Variants in ARHGEF28 observed in about 807,000 individuals in gnomAD.
ARHGEF28 encodes the protein 190 kDa guanine nucleotide exchange factor.
A neutral mutation model predicts 206.6 loss-of-function variants in ARHGEF28; 152 were observed. That is an observed-to-expected ratio of 0.74 (90% CI 0.64 to 0.84). The LOEUF is 0.84. ARHGEF28 is among the 40% of genes least tolerant of loss of function. The pLI is 0.00. For missense variants in ARHGEF28, 2,028 were observed against 2,073.2 expected, an observed-to-expected ratio of 0.98 and a Z score of 0.42; for synonymous variants, 763 against 776.4, an observed-to-expected ratio of 0.98 and a Z score of 0.29.
intron 9 of ARHGEF28, among the ~76,000 whole-genome samples, chr5:73,811,094 A>G (rs544186851): frequency 6.6e-6 from 1 of 152,314 alleles, no homozygotes; most frequent in Non-Finnish European, 1.5e-5. Context: ...ATTTCAAAGG[A>G]TTCTTTAATG....
chr5:73,655,449 A>G (rs758893603), intron 1 of ARHGEF28, among the ~76,000 whole-genome samples: 28 of 152,228 alleles, frequency 1.8e-4, no homozygotes, highest in Non-Finnish European at 2.9e-4. Context: ...TTTTATCTGC[A>G]TAGGCCCATG....
chr5:73,765,598 C>T (rs189879348), intron 4 of ARHGEF28, among the ~76,000 whole-genome samples: 67 of 152,272 alleles, frequency 4.4e-4, no homozygotes, highest in Non-Finnish European at 4.0e-4. Context: ...ATAATTCCAT[C>T]GTAAGTCAAA....
Position 73,940,859 on chromosome 5 carries a change from A to C in ARHGEF28, c.4964A>C (p.His1655Pro), listed in dbSNP as rs748019699. ...TTTCTTGCAGATTTGGACACCTCCC[A>C]CACTGAGTCCCCAACCCCCCATGAC... Reference protein sequence around the residue: ...DSCKNDLDTSHTESPTPHDSN... With the variant: ...DSCKNDLDTSPTESPTPHDSN... The change falls in exon 36 of 36, where the codon CAC (histidine) becomes CCC (proline). Residue 1655 changes from histidine (H) to proline (P), a missense_variant. Coordinates refer to ENST00000513042, the MANE Select transcript of ARHGEF28 (RefSeq NM_001177693.2). The C allele has an allele frequency of 2.6e-5, 40 of 1,518,924 alleles. No homozygotes were observed. Among genetic ancestry groups the C allele is most frequent in the Non-Finnish European group, 2.5e-5 (29 of 1,141,440 alleles). The allele number at this position is 1,518,924 out of a possible 1,614,324, so 94.1% of individuals were successfully genotyped here.
At chr5:73,776,864 A>G (rs1267360447) in intron 6 of ARHGEF28, among the ~76,000 whole-genome samples, 168 bp downstream of exon 6, 1 of 152,050 alleles carries the variant, frequency 6.6e-6, no homozygotes, top group Non-Finnish European at 1.5e-5. Context: ...AGATTATTAT[A>G]TATTTTATAG....
intron 1 of ARHGEF28, among the ~76,000 whole-genome samples, chr5:73,626,829 G>A (rs994746811): frequency 1.3e-5 from 2 of 152,214 alleles, no homozygotes; most frequent in African/African-American, 2.4e-5. Context: ...CATCTGCTGT[G>A]TTTCAAAAGG....
At chr5:73,815,781 A>G (rs1756167140) in intron 9 of ARHGEF28, among the ~76,000 whole-genome samples, 2 of 152,248 alleles carry the variant, frequency 1.3e-5, no homozygotes, top group Non-Finnish European at 1.5e-5. Context: ...ACAGAAAGTC[A>G]TAGCATAGCT....
rs1416884295 is a variant in ARHGEF28, at chr5:73,652,469, C to A, written c.-12+26147C>A. Reference sequence around the variant, plus strand: ...GGAATGAGTGTGGGACATGAGAGGGCACGGTATGCACATTTGGGGGAGCAG... The same window carrying A: ...GGAATGAGTGTGGGACATGAGAGGGAACGGTATGCACATTTGGGGGAGCAG... On this transcript the variant is annotated intron_variant, in intron 1 of 35. Coordinates refer to ENST00000513042, the MANE Select transcript of ARHGEF28 (RefSeq NM_001177693.2). 2.6e-5 allele frequency among the ~76,000 whole-genome samples: 4 copies of A among 151,970 alleles called. No individual in the cohort carries two copies. In the East Asian group the frequency reaches 7.7e-4, roughly 29 times the overall value.
chr5:73,909,898 G>T lies in ARHGEF28; in HGVS notation c.4647+1G>T. The T allele has an allele frequency of 2.0e-6, 3 of 1,500,110 alleles. No homozygotes were observed. The South Asian group carries it at 4.0e-5, about 20-fold the overall frequency. The allele number at this position is 1,500,110 out of a possible 1,614,324, so 92.9% of individuals were successfully genotyped here. A position where few individuals can be genotyped will look rare whatever the true frequency, so the allele number is the denominator to read the frequency against. On this transcript the variant is annotated splice_donor_variant, in intron 34 of 35. Coordinates refer to ENST00000513042, the MANE Select transcript of ARHGEF28 (RefSeq NM_001177693.2). LOFTEE classifies it high-confidence loss of function. ...GGTGCTCCTTCCGGGTGGCCCCGAG[G>T]TATGGACCTTCTGCGGTGCTGTGAG...
intron 7 of ARHGEF28, among the ~76,000 whole-genome samples, chr5:73,789,334 A>G (rs768990610): frequency 3.3e-5 from 5 of 152,202 alleles, no homozygotes; most frequent in African/African-American, 4.8e-5. Context: ...AAATATCCAG[A>G]ATAGGCAATT....
At chr5:73,799,130 T>C (rs1028687461) in intron 9 of ARHGEF28, among the ~76,000 whole-genome samples, 12 of 152,128 alleles carry the variant, frequency 7.9e-5, no homozygotes, top group Non-Finnish European at 1.6e-4. Flanking sequence ...ATCCTATTTC[T>C]TAATCATATT....
intron 6 of ARHGEF28, 110 bp from the exon 7 acceptor site, chr5:73,780,566 C>T: frequency 8.7e-7 from 1 of 1,150,102 alleles, no homozygotes. Flanking sequence ...TATTTCCCAA[C>T]CTCCTAGCTC....
intron 2 of ARHGEF28, among the ~76,000 whole-genome samples, chr5:73,742,292 A>G (rs1034209525): frequency 2.6e-5 from 4 of 152,142 alleles, no homozygotes; most frequent in Non-Finnish European, 4.4e-5. Context: ...GGAGTAGTCT[A>G]TCTACATTTA....
chr5:73,734,680 T>C lies in ARHGEF28; in HGVS notation c.34-15157T>C, dbSNP rs553651408. Among the ~76,000 whole-genome samples, 20 of 152,330 alleles carry C rather than the reference T, an allele frequency of 1.3e-4. 1 individual carries two copies. In the East Asian group the frequency reaches 3.9e-3, roughly 29 times the overall value. ...TTAAGATCCTGGAAAATGAGTGCTC[T>C]GTTGATCTTCTAAACAGATGGTAAG... is the stretch of plus-strand genomic sequence containing the variant. On this transcript the variant is annotated intron_variant, in intron 2 of 35. Coordinates refer to ENST00000513042, the MANE Select transcript of ARHGEF28 (RefSeq NM_001177693.2).
intron 2 of ARHGEF28, among the ~76,000 whole-genome samples, chr5:73,706,269 G>A (rs1421943756): frequency 2.0e-5 from 3 of 151,614 alleles, no homozygotes; most frequent in East Asian, 1.9e-4. Flanking sequence ...GCTTGAATCC[G>A]GGAGGCAGAG....
At chr5:73,785,150 C>T (rs1754087193) in intron 7 of ARHGEF28, among the ~76,000 whole-genome samples, 1 of 152,126 alleles carries the variant, frequency 6.6e-6, no homozygotes, top group African/African-American at 2.4e-5. Flanking sequence ...TAATCAAAAC[C>T]ATAGAACATG....
intron 2 of ARHGEF28, among the ~76,000 whole-genome samples, chr5:73,737,581 A>G (rs906473427): frequency 1.5e-4 from 22 of 149,856 alleles, no homozygotes; most frequent in African/African-American, 5.4e-4. Context: ...GTGTGATCTC[A>G]GCTCACTGCA....
intron 30 of ARHGEF28, chr5:73,898,814 G>T (rs916783285): frequency 6.6e-6 from 1 of 152,306 alleles, no homozygotes; most frequent in African/African-American, 2.4e-5. Context: ...TTCCATAAAG[G>T]TTTCTAAGAT....
At chr5:73,925,223 C>T (rs1477218241) in intron 35 of ARHGEF28, among the ~76,000 whole-genome samples, 5 of 152,154 alleles carry the variant, frequency 3.3e-5, no homozygotes, top group Admixed American at 6.5e-5. Context: ...GGAGGCGATA[C>T]GCTTGCATCT....
intron 7 of ARHGEF28, among the ~76,000 whole-genome samples, chr5:73,781,333 G>A (rs1272291884): frequency 1.3e-5 from 2 of 152,038 alleles, no homozygotes; most frequent in African/African-American, 4.8e-5. Context: ...TGCTTGTGGT[G>A]GAAGTTCATA....
Sources: gnomAD v4.1 joint callset for allele counts (sites outside exome capture counted in the v4.1 genomes callset) on GRCh38, gnomAD v4.1.1 for gene constraint, MANE v1.5 for transcripts, NCBI Gene and HGNC (gene_info 2026-07-23, HGNC 2026-07-21) for gene names.